TOM1: variants seen among roughly 807,000 people sequenced by gnomAD.
The protein encoded by TOM1 is target of Myb protein 1.
Under a neutral mutation model 61.3 loss-of-function variants are expected in TOM1, and 38 were observed. The observed-to-expected ratio is 0.62, with a 90% CI of 0.48 to 0.81. TOM1 has a LOEUF of 0.81. TOM1 is among the 40% of genes least tolerant of loss of function. TOM1 has a pLI of 0.00. For missense variants in TOM1, 591 were observed against 659.6 expected (o/e 0.90, Z 1.14); for synonymous variants, 270 against 268.8 (o/e 1.00, Z -0.04).
At chr22:35,314,814 C>T (rs944507342) in intron 1 of TOM1, among the ~76,000 whole-genome samples, 3 of 152,248 alleles carry the variant, frequency 2.0e-5, no homozygotes, top group African/African-American at 4.8e-5. Flanking sequence ...ACAGCGTCAG[C>T]GGCTGCCCCG....
chr22:35,329,767 T>G (rs1024986544), intron 7 of TOM1, among the ~76,000 whole-genome samples: 1 of 152,202 alleles, frequency 6.6e-6, no homozygotes, highest in Non-Finnish European at 1.5e-5. Context: ...GGCACAACCT[T>G]TATTCTGGAA....
At chr22:35,340,815 T>C (rs1388737498) in intron 12 of TOM1, among the ~76,000 whole-genome samples, 2 of 152,188 alleles carry the variant, frequency 1.3e-5, no homozygotes, top group South Asian at 2.1e-4. Flanking sequence ...GTGGGCAAAG[T>C]CTTCGTGACC....
rs960993397 is a variant in TOM1 at position 35,347,788 on chromosome 22, A to C, written c.*579A>C. On this transcript the variant is annotated 3_prime_UTR_variant, in exon 15 of 15. Transcript: ENST00000449058. The stretch of plus-strand genomic sequence containing the variant: ...CTCTGCGCGCAGTGGGCGAGATCTC[A>C]TCAGCCCCAGGCTGCAGGTGAGGCT... 1 of 153,072 alleles carries C rather than the reference A, an allele frequency of 6.5e-6. No homozygotes were observed. The highest frequency in any genetic ancestry group is 1.9e-4 in the East Asian group (1 of 5,194). 9.5% of individuals were successfully genotyped at this position (153,072 alleles called of 1,614,324 possible).
intron 6 of TOM1, 134 bp from the exon 7 acceptor site, chr22:35,327,137 C>A: frequency 1.3e-6 from 1 of 790,266 alleles, no homozygotes; most frequent in Non-Finnish European, 2.2e-6. Flanking sequence ...AGGAGGGAGG[C>A]TGCCTAGAGA....
In TOM1 at chr22:35,299,991, G is replaced by C; in HGVS notation, c.52+11G>C. ...TGGGACAGCGCATCGGTGAGTCCCTGGAGCCCCCCACAGCTCCGCCCCGGT... is the reference window on the plus strand; with the variant it reads ...TGGGACAGCGCATCGGTGAGTCCCTCGAGCCCCCCACAGCTCCGCCCCGGT... On this transcript the variant is annotated intron_variant, in intron 1 of 14. Transcript: ENST00000449058. The C allele has an allele frequency of 6.4e-7, 1 of 1,566,218 alleles. No homozygotes were observed. Among genetic ancestry groups the C allele is most frequent in the Non-Finnish European group, 8.7e-7 (1 of 1,154,814 alleles).
chr22:35,344,019 A>C (rs1930277849), intron 12 of TOM1, among the ~76,000 whole-genome samples: 1 of 148,972 alleles, frequency 6.7e-6, no homozygotes, highest in Non-Finnish European at 1.5e-5. Context: ...CTACACACAC[A>C]CCTACACTCA....
chr22:35,338,745 GC>G lies in TOM1; in HGVS notation c.1183del (p.Leu395TrpfsTer158). 6.2e-7 allele frequency: 1 copy of G among 1,600,200 alleles called. No homozygotes were observed. Among genetic ancestry groups the G allele is most frequent in the Non-Finnish European group, 8.5e-7 (1 of 1,174,218 alleles). ...VKYEAPQATD[G>X]LAGALDARQQ... Reference sequence around the variant, plus strand: ...TACGAAGCCCCCCAAGCAACAGACGGCCTGGCTGGAGCCCTGGACGCCCGGC... The same window carrying G: ...TACGAAGCCCCCCAAGCAACAGACGGCTGGCTGGAGCCCTGGACGCCCGGC... On this transcript the variant is annotated frameshift_variant, in exon 12 of 15. Coordinates refer to ENST00000449058, the MANE Select transcript of TOM1 (RefSeq NM_005488.3). LOFTEE classifies it high-confidence loss of function.
At position 35,340,392 on chromosome 22, in the gene TOM1, G is replaced by A. The variant is rs556109246; in HGVS notation, c.1224+1604G>A. Among the ~76,000 whole-genome samples the A allele has an allele frequency of 4.5e-4, 68 of 152,212 alleles. 1 individual carries two copies. The highest frequency in any genetic ancestry group is 1.5e-3 in the African/African-American group (61 of 41,544). ...GCATCCTAAGTGAGGTGGAGGCCGC[G>A]GGGAAGTCTTGAGCACAGGAGGGAC... On this transcript the variant is annotated intron_variant, in intron 12 of 14. Transcript: ENST00000449058.
rs1356386693 is a variant in TOM1, at chr22:35,330,495, T to TCC, written c.899+18_899+19dup. On this transcript the variant is annotated intron_variant, in intron 8 of 14. Transcript: ENST00000449058. ...CGCCATGAACGGTAGCCCCAGCACCTCCCCTGGCCTCTGGCCTACTGCCCC... is the reference window on the plus strand; with the variant it reads ...CGCCATGAACGGTAGCCCCAGCACCTCCCCCCTGGCCTCTGGCCTACTGCCCC... The TCC allele has an allele frequency of 6.2e-7, 1 of 1,600,608 alleles. No homozygotes were observed. The highest frequency in any genetic ancestry group is 1.1e-5 in the South Asian group (1 of 89,532).
At chr22:35,341,348 C>T (rs114006544) in intron 12 of TOM1, among the ~76,000 whole-genome samples, 158 of 152,312 alleles carry the variant, frequency 1.0e-3, no homozygotes, top group African/African-American at 3.1e-3. Flanking sequence ...GATGAGAAAA[C>T]TGAGGCTGAG....
Position 35,346,983 on chromosome 22 carries a change from C to T in TOM1, c.1324+14C>T, listed in dbSNP as rs767275153. The T allele has an allele frequency of 1.9e-5, 30 of 1,611,278 alleles. 1 individual carries two copies. In the South Asian group the frequency reaches 3.3e-4, roughly 18 times the overall value. On this transcript the variant is annotated intron_variant, in intron 14 of 14. Transcript: ENST00000449058. ...TCACCAGCGAAGGTAGTAGTCCCCG[C>T]CCCTGCCCGCCCTCTCCTTTCCCCA...
Position 35,334,423 on chromosome 22 carries a change from A to G in TOM1, c.1123A>G (p.Ser375Gly), listed in dbSNP as rs1352862567. 7.4e-6 allele frequency: 12 copies of G among 1,613,970 alleles called. No individual in the cohort carries two copies. Among genetic ancestry groups the G allele is most frequent in the African/African-American group, 2.7e-5 (2 of 74,928 alleles). The change falls in exon 11 of 15, where the codon AGC (serine) becomes GGC (glycine). Residue 375 changes from serine (S) to glycine (G), a missense_variant. Coordinates refer to ENST00000449058, the MANE Select transcript of TOM1 (RefSeq NM_005488.3). ...EFDMFALTRG[S>G]SLADQRKEVK... is the part of the protein sequence containing the mutation. ...TGACATGTTTGCGCTGACACGGGGC[A>G]GCTCACTGGCTGACCAACGGAAAGA...
intron 1 of TOM1, among the ~76,000 whole-genome samples, chr22:35,300,389 C>A (rs1328459874): frequency 1.3e-5 from 2 of 152,182 alleles, no homozygotes; most frequent in Non-Finnish European, 2.9e-5. Context: ...GCCCTCCGGA[C>A]ACAGACACCT....
rs867973946 is a variant in TOM1 at position 35,323,744 on chromosome 22, C to T, written c.502-24C>T. 4 of 1,600,526 alleles carry T rather than the reference C, an allele frequency of 2.5e-6. No homozygotes were observed. In the South Asian group the frequency reaches 4.5e-5, roughly 18 times the overall value. On this transcript the variant is annotated intron_variant, in intron 5 of 14. Transcript: ENST00000449058. The surrounding 1 kb of genome is among the most constrained non-coding windows in gnomAD (Gnocchi z 4.2). ...CTCTTGATGTTCCCAGGAGCCCTCACTGATCCTGTTTTCCTCCCACTAGAC... is the reference window on the plus strand; with the variant it reads ...CTCTTGATGTTCCCAGGAGCCCTCATTGATCCTGTTTTCCTCCCACTAGAC...
chr22:35,316,160 C>T (rs1480845571), intron 1 of TOM1, among the ~76,000 whole-genome samples: 3 of 152,232 alleles, frequency 2.0e-5, no homozygotes, highest in Admixed American at 6.5e-5. Flanking sequence ...CTGCAGCAGG[C>T]GGATGAGTAC....
chr22:35,308,318 C>T (rs1381552575), intron 1 of TOM1, among the ~76,000 whole-genome samples: 2 of 137,762 alleles, frequency 1.5e-5, no homozygotes, highest in Non-Finnish European at 1.5e-5. Flanking sequence ...GAGTCTCACT[C>T]TGTTTCCCAG....
chr22:35,327,375 G>A lies in TOM1; in HGVS notation c.753G>A (p.Leu251=), dbSNP rs753371159. Residue 251 remains leucine (L), a synonymous_variant, in exon 7 of 15, where the codon CTG becomes CTA. Transcript: ENST00000449058. ...CCACCCAGGCCGAGCCCGCAGACCT[G>A]GAGCTGCTGCAGGTGAGCAGGTGGC... ...LVPTQAEPAD[L]ELLQELNRTC... 1 of 1,612,806 alleles carries A rather than the reference G, an allele frequency of 6.2e-7. No homozygotes were observed. Among genetic ancestry groups the A allele is most frequent in the Non-Finnish European group, 8.5e-7 (1 of 1,179,864 alleles).
Position 35,323,399 on chromosome 22 carries a change from A to AC in TOM1, c.367-97_367-96insC. ...GCAGATGTAGTTAAAAAAAAAAAAAAAGCAGGGAAAGAATGTCTGTTCTCT... is the reference window on the plus strand; with the variant it reads ...GCAGATGTAGTTAAAAAAAAAAAAAACAGCAGGGAAAGAATGTCTGTTCTCT... On this transcript the variant is annotated intron_variant, in intron 4 of 14. Coordinates refer to ENST00000449058, the MANE Select transcript of TOM1 (RefSeq NM_005488.3). This position sits in a 1 kb window ranked among gnomAD's most constrained non-coding sequence, Gnocchi z 4.2. 1 of 1,485,124 alleles carries AC rather than the reference A, an allele frequency of 6.7e-7. No individual in the cohort carries two copies. The highest frequency in any genetic ancestry group is 9.0e-7 in the Non-Finnish European group (1 of 1,106,980). 92.0% of individuals were successfully genotyped at this position (1,485,124 alleles called of 1,614,324 possible).
At chr22:35,330,255 C>A in intron 7 of TOM1, 92 bp from the exon 8 acceptor site, 1 of 1,370,992 alleles carries the variant, frequency 7.3e-7, no homozygotes, top group Non-Finnish European at 9.9e-7. Context: ...GCACTCCAGC[C>A]TGGGCGACAG....
Sources: gnomAD v4.1 joint callset for allele counts (sites outside exome capture counted in the v4.1 genomes callset) on GRCh38, gnomAD v4.1.1 for gene constraint, Gnocchi (gnomAD v3.1) non-coding constraint, MANE v1.5 for transcripts, NCBI Gene and HGNC (gene_info 2026-07-23, HGNC 2026-07-21) for gene names.